The following ORC3 variants were observed in gnomAD, a reference collection of about 807,000 sequenced individuals.
ORC3 encodes the protein origin recognition complex subunit 3, also known as homolog of latheo, Drosophila.
In ORC3, 78 loss-of-function variants were observed where a neutral mutation model predicts 100.7. The observed-to-expected ratio is 0.77, with a 90% confidence interval of 0.65 to 0.94. The LOEUF (loss-of-function observed/expected upper bound fraction) is 0.94, where lower values mean the gene tolerates loss of function less well. Ranked by LOEUF, ORC3 falls within the 40% of genes least tolerant of loss-of-function variation. ORC3 has a pLI of 0.00. For synonymous variants in ORC3, 295 were observed against 289.3 expected (o/e 1.02, Z -0.20); for missense variants, 789 against 823.9 (o/e 0.96, Z 0.52).
chr6:87,610,246 T>A (rs963612429), intron 7 of ORC3, among the ~76,000 whole-genome samples: 2 of 152,130 alleles, frequency 1.3e-5, no homozygotes, highest in African/African-American at 4.8e-5. Context: ...TCTCGCTCTG[T>A]CCCCCAGGCT....
At chr6:87,665,950 G>T in intron 19 of ORC3, 117 bp downstream of exon 19, 1 of 580,872 alleles carries the variant, frequency 1.7e-6, no homozygotes, top group South Asian at 2.4e-5. Context: ...CGTATTACTT[G>T]TTAATATTAA....
At chr6:87,658,054 A>C (rs752428448) in intron 16 of ORC3, 36 bp downstream of exon 16, 1 of 1,143,680 alleles carries the variant, frequency 8.7e-7, no homozygotes, top group South Asian at 1.2e-5. Flanking sequence ...GCTAAAAATC[A>C]TGCTGTTTTT....
Position 87,653,109 on chromosome 6 carries a change from G to T in ORC3, c.1383-7G>T. ...TATTACATTTCCTGTCACTGACTCT[G>T]TTCTAGGATGTTGGCAAAGGATGAA... On this transcript the variant is annotated splice_region_variant and splice_polypyrimidine_tract_variant and intron_variant, in intron 13 of 19. Transcript: ENST00000392844. 5 of 1,608,178 alleles carry T rather than the reference G, an allele frequency of 3.1e-6. No individual in the cohort carries two copies. The South Asian group carries it at 4.4e-5, about 14-fold the overall frequency.
chr6:87,671,924 A>T (rs1262080800), downstream of ORC3, among the ~76,000 whole-genome samples: 3 of 152,176 alleles, frequency 2.0e-5, no homozygotes, highest in Non-Finnish European at 4.4e-5. Context: ...CAACAAGTTT[A>T]ACCCGAAACT....
chr6:87,621,662 A>C (rs983947896), intron 10 of ORC3, among the ~76,000 whole-genome samples, 175 bp downstream of exon 10: 1 of 152,168 alleles, frequency 6.6e-6, no homozygotes, highest in Admixed American at 6.5e-5. Flanking sequence ...GTATTTTTAC[A>C]AAGGGACATA....
chr6:87,662,980 G>A, intron 16 of ORC3, 23 bp from the exon 17 acceptor site: 3 of 1,567,658 alleles, frequency 1.9e-6, no homozygotes, highest in Non-Finnish European at 2.6e-6. Context: ...ATCTAAACAT[G>A]GATGCCTGAC....
At chr6:87,646,237 C>T (rs1689028523) in intron 13 of ORC3, among the ~76,000 whole-genome samples, 2 of 152,030 alleles carry the variant, frequency 1.3e-5, no homozygotes. Flanking sequence ...CCGCCCGCCT[C>T]GGCCTCCCAA....
chr6:87,636,847 C>T (rs929640983), intron 13 of ORC3, among the ~76,000 whole-genome samples: 3 of 152,200 alleles, frequency 2.0e-5, no homozygotes, highest in Non-Finnish European at 4.4e-5. Flanking sequence ...ACCATGTCCC[C>T]AACCTGGTTG....
chr6:87,617,634 T>TGA (rs2128260795), intron 9 of ORC3, among the ~76,000 whole-genome samples: 1 of 151,778 alleles, frequency 6.6e-6, no homozygotes, highest in African/African-American at 2.4e-5. Context: ...CTCGGGAGGG[T>TGA]GAGGTGGGAG....
chr6:87,675,781 G>C, the ORC3 span: 1 of 1,488,950 alleles, frequency 6.7e-7, no homozygotes, highest in South Asian at 1.2e-5. Context: ...CTCTTTTTGA[G>C]TATGAAAATA....
At chr6:87,624,208 G>A (rs1171485413) in intron 11 of ORC3, among the ~76,000 whole-genome samples, 1 of 152,134 alleles carries the variant, frequency 6.6e-6, no homozygotes, top group Non-Finnish European at 1.5e-5. Flanking sequence ...TTTAGGCCAG[G>A]CACGGTGGCT....
intron 16 of ORC3, among the ~76,000 whole-genome samples, chr6:87,661,351 A>G (rs1252167822): frequency 6.6e-6 from 1 of 152,080 alleles, no homozygotes; most frequent in Non-Finnish European, 1.5e-5. Context: ...ATTGTTTCTT[A>G]GTGAGGATCA....
intron 8 of ORC3, among the ~76,000 whole-genome samples, chr6:87,614,013 T>G (rs981816402): frequency 1.4e-4 from 22 of 152,310 alleles, no homozygotes; most frequent in African/African-American, 5.3e-4. Context: ...GTAAGGACTC[T>G]GTGTGGGGAC....
chr6:87,593,093 A>C (rs1225047440), intron 1 of ORC3, among the ~76,000 whole-genome samples: 1 of 152,132 alleles, frequency 6.6e-6, no homozygotes, highest in Non-Finnish European at 1.5e-5. Flanking sequence ...ACTCTGTCTC[A>C]AAAAAACAAA....
At chr6:87,608,076 TA>T (rs1418964213) in intron 6 of ORC3, among the ~76,000 whole-genome samples, 1 of 152,200 alleles carries the variant, frequency 6.6e-6, no homozygotes, top group Non-Finnish European at 1.5e-5. Flanking sequence ...GAATGTCCTC[TA>T]ATGACAAAAA....
chr6:87,615,942 G>C (rs1319611182), intron 8 of ORC3, among the ~76,000 whole-genome samples: 1 of 151,608 alleles, frequency 6.6e-6, no homozygotes, highest in Non-Finnish European at 1.5e-5. Flanking sequence ...ATTTGAATCA[G>C]TAGTAATGAA....
At chr6:87,671,744 G>GAT (rs1770837499), downstream of ORC3, among the ~76,000 whole-genome samples, 1 of 152,168 alleles carries the variant, frequency 6.6e-6, no homozygotes, top group South Asian at 2.1e-4. Context: ...CTGCTGATTA[G>GAT]ATTTAACAAT....
At chr6:87,653,032 A>G (rs954057547) in intron 13 of ORC3, 84 bp from the exon 14 acceptor site, 5 of 1,079,544 alleles carry the variant, frequency 4.6e-6, no homozygotes, top group African/African-American at 3.2e-5. Context: ...GAGCGGAAAC[A>G]TTTAATATGT....
chr6:87,640,928 T>G (rs887621163), intron 13 of ORC3, among the ~76,000 whole-genome samples: 4 of 151,992 alleles, frequency 2.6e-5, no homozygotes, highest in African/African-American at 9.7e-5. Context: ...ACCAACATGG[T>G]GAAACCCCGT....
Sources: gnomAD v4.1 joint callset for allele counts (sites outside exome capture counted in the v4.1 genomes callset) on GRCh38, gnomAD v4.1.1 for gene constraint, MANE v1.5 for transcripts, NCBI Gene and HGNC (gene_info 2026-07-23, HGNC 2026-07-21) for gene names.